Variants in CLSTN2 observed in about 807,000 individuals in gnomAD.
The protein encoded by CLSTN2 is calsyntenin-2.
Under a neutral mutation model 101.2 loss-of-function variants are expected in CLSTN2, and 48 were observed. The ratio of observed to expected loss-of-function variants is 0.47; its 90% confidence interval spans 0.38 to 0.60. The LOEUF is 0.60. Among genes scored for constraint, CLSTN2 ranks in the 20% least tolerant of loss-of-function variants. The pLI, the probability that CLSTN2 is intolerant of heterozygous loss-of-function variation, is 0.00. For synonymous variants in CLSTN2, 481 were observed against 463.6 expected, an observed-to-expected ratio of 1.04 and a Z score of -0.48; for missense variants, 1,160 against 1,238.2, an observed-to-expected ratio of 0.94 and a Z score of 0.95.
At chr3:140,282,550 A>G (rs2086858219) in intron 2 of CLSTN2, among the ~76,000 whole-genome samples, 1 of 152,218 alleles carries the variant, frequency 6.6e-6, no homozygotes, top group Admixed American at 6.5e-5. Flanking sequence ...AAATATTGGC[A>G]GCTAATTCAG....
intron 8 of CLSTN2, among the ~76,000 whole-genome samples, chr3:140,522,616 A>G (rs1935054124): frequency 6.6e-6 from 1 of 152,240 alleles, no homozygotes; most frequent in African/African-American, 2.4e-5. Context: ...TCCTTACTGT[A>G]GCATGCTAGT....
chr3:140,428,227 A>T (rs762504929), intron 5 of CLSTN2, among the ~76,000 whole-genome samples: 4 of 151,682 alleles, frequency 2.6e-5, no homozygotes, highest in African/African-American at 7.3e-5. Context: ...TCCCTTGTTT[A>T]TGCTTTCCTT....
At chr3:140,133,753 C>G (rs1463258150) in intron 1 of CLSTN2, among the ~76,000 whole-genome samples, 2 of 152,190 alleles carry the variant, frequency 1.3e-5, no homozygotes, top group Non-Finnish European at 2.9e-5. Flanking sequence ...ATGCAAGGTA[C>G]TCAATGCAGT....
chr3:140,119,319 A>G (rs572999192), intron 1 of CLSTN2, among the ~76,000 whole-genome samples: 1 of 152,356 alleles, frequency 6.6e-6, no homozygotes, highest in Non-Finnish European at 1.5e-5. Context: ...CTGCACTTAG[A>G]TGCTGAGGCT....
intron 8 of CLSTN2, among the ~76,000 whole-genome samples, chr3:140,470,848 G>A (rs1176084831): frequency 6.6e-6 from 1 of 152,218 alleles, no homozygotes; most frequent in Non-Finnish European, 1.5e-5. Context: ...GCCCTGGACA[G>A]ACATGTTTGA....
intron 2 of CLSTN2, among the ~76,000 whole-genome samples, chr3:140,270,528 C>A (rs1393587932): frequency 6.6e-6 from 1 of 152,148 alleles, no homozygotes; most frequent in African/African-American, 2.4e-5. Context: ...GTCACCTGGC[C>A]GCAACTCTAG....
intron 9 of CLSTN2, among the ~76,000 whole-genome samples, chr3:140,536,903 C>T (rs1285683194): frequency 5.3e-5 from 8 of 152,176 alleles, no homozygotes; most frequent in Non-Finnish European, 7.4e-5. Context: ...CACCACACTG[C>T]TTTGTTAAAG....
Position 140,562,315 on chromosome 3 carries a change from C to T in CLSTN2, c.2212+7C>T. On this transcript the variant is annotated splice_region_variant and intron_variant, in intron 13 of 16. Transcript: ENST00000458420. ...GCAGGCTACTCCATCTACGGTAAGGCCACACTCAGCCCCCTTTGCCCCAAG... is the reference window on the plus strand; with the variant it reads ...GCAGGCTACTCCATCTACGGTAAGGTCACACTCAGCCCCCTTTGCCCCAAG... The T allele has an allele frequency of 6.2e-7, 1 of 1,609,086 alleles. No individual in the cohort carries two copies. The highest frequency in any genetic ancestry group is 8.5e-7 in the Non-Finnish European group (1 of 1,178,176).
At chr3:140,080,991 T>G (rs995865141) in intron 1 of CLSTN2, among the ~76,000 whole-genome samples, 1 of 152,200 alleles carries the variant, frequency 6.6e-6, no homozygotes, top group Non-Finnish European at 1.5e-5. Context: ...TGAGCTGACC[T>G]CTGAATATCC....
At chr3:140,553,728 C>T (rs1256891620) in intron 10 of CLSTN2, among the ~76,000 whole-genome samples, 1 of 152,152 alleles carries the variant, frequency 6.6e-6, no homozygotes, top group Non-Finnish European at 1.5e-5. Flanking sequence ...TCTTTCACTG[C>T]CTCAGCTCAG....
At chr3:140,085,975 A>G (rs956461293) in intron 1 of CLSTN2, among the ~76,000 whole-genome samples, 5 of 152,208 alleles carry the variant, frequency 3.3e-5, no homozygotes, top group Non-Finnish European at 7.3e-5. Context: ...TCAGATGCAC[A>G]TTGACCTGTT....
chr3:140,101,689 G>A (rs2008968909), intron 1 of CLSTN2, among the ~76,000 whole-genome samples: 1 of 152,190 alleles, frequency 6.6e-6, no homozygotes, highest in African/African-American at 2.4e-5. Flanking sequence ...CTTGGTGTGG[G>A]TTGTTGGTTT....
chr3:139,935,203 C>G lies in CLSTN2; in HGVS notation c.-172C>G, dbSNP rs992137854. 9.0e-6 allele frequency: 3 copies of G among 335,190 alleles called. No individual in the cohort carries two copies. Among genetic ancestry groups the G allele is most frequent in the Non-Finnish European group, 1.6e-5 (3 of 187,302 alleles). 20.8% of individuals were successfully genotyped at this position (335,190 alleles called of 1,614,324 possible). A position where few individuals can be genotyped will look rare whatever the true frequency, so the allele number is the denominator to read the frequency against. On this transcript the variant is annotated 5_prime_UTR_variant, in exon 1 of 17. Coordinates refer to ENST00000458420, the MANE Select transcript of CLSTN2 (RefSeq NM_022131.3). The surrounding 1 kb of genome is among the most constrained non-coding windows in gnomAD (Gnocchi z 5.5). ...CCGCGCCAGTGAGCGCGGCTGCTGC[C>G]GGCGAGCTAGCGGCGCAGCGGCGGG...
At chr3:140,075,814 C>T (rs747629725) in intron 1 of CLSTN2, among the ~76,000 whole-genome samples, 1 of 151,814 alleles carries the variant, frequency 6.6e-6, no homozygotes, top group Admixed American at 6.6e-5. Flanking sequence ...AGTTGGTGTT[C>T]GTGTTGGCGG....
chr3:140,379,153 G>A (rs778451518), intron 2 of CLSTN2, among the ~76,000 whole-genome samples: 3 of 152,240 alleles, frequency 2.0e-5, no homozygotes, highest in Non-Finnish European at 4.4e-5. Context: ...GAAGAATGAA[G>A]AGGCACAGAT....
At chr3:140,236,215 T>C (rs1258437186) in intron 2 of CLSTN2, among the ~76,000 whole-genome samples, 7 of 152,210 alleles carry the variant, frequency 4.6e-5, no homozygotes, top group Non-Finnish European at 7.3e-5. Flanking sequence ...ATAAGAATTT[T>C]AAAATAATAA....
intron 2 of CLSTN2, among the ~76,000 whole-genome samples, chr3:140,372,892 C>A (rs916336090): frequency 6.6e-6 from 1 of 152,096 alleles, no homozygotes; most frequent in Admixed American, 6.6e-5. Flanking sequence ...CATAGAGAAA[C>A]CCCTTCTCTA....
At chr3:140,000,685 G>A (rs1241747950) in intron 1 of CLSTN2, among the ~76,000 whole-genome samples, 1 of 152,218 alleles carries the variant, frequency 6.6e-6, no homozygotes, top group Non-Finnish European at 1.5e-5. Flanking sequence ...GAGCTGAGCT[G>A]TTTAAAGGTG....
intron 4 of CLSTN2, among the ~76,000 whole-genome samples, chr3:140,415,598 G>C (rs2088423823): frequency 6.8e-6 from 1 of 146,830 alleles, no homozygotes; most frequent in South Asian, 2.1e-4. Context: ...CATACAAAAA[G>C]ATGTTCAATG....
Sources: allele counts gnomAD v4.1 joint callset (sites outside exome capture counted in the v4.1 genomes callset), GRCh38; gene constraint gnomAD v4.1.1; non-coding constraint Gnocchi (gnomAD v3.1); transcripts MANE v1.5; gene names NCBI Gene and HGNC (gene_info 2026-07-23, HGNC 2026-07-21).